The following MOB4 variants were observed in gnomAD, a reference collection of about 807,000 sequenced individuals.
MOB4 encodes MOB-like protein phocein.
A neutral mutation model predicts 32.2 loss-of-function variants in MOB4; 4 were observed. That is an observed-to-expected ratio of 0.12 (90% CI 0.06 to 0.28). MOB4 has a LOEUF of 0.28. Ranked by LOEUF, MOB4 falls within the 10% of genes least tolerant of loss-of-function variation. The probability of loss-of-function intolerance (pLI) is 1.00; values close to 1 mark genes in which losing one functional copy is unlikely to be tolerated. For missense variants in MOB4, 158 were observed against 271.2 expected, an observed-to-expected ratio of 0.58 and a Z score of 2.93; for synonymous variants, 88 against 88.1, an observed-to-expected ratio of 1.00 and a Z score of 0.01.
chr2:197,535,116 A>C (rs993819812), intron 2 of MOB4, among the ~76,000 whole-genome samples: 3 of 151,864 alleles, frequency 2.0e-5, no homozygotes, highest in African/African-American at 7.2e-5. Flanking sequence ...CCAGCTCCTC[A>C]GGAGGCTGAG....
At chr2:197,536,482 A>G (rs1335426339) in intron 3 of MOB4, among the ~76,000 whole-genome samples, 1 of 151,370 alleles carries the variant, frequency 6.6e-6, no homozygotes, top group Admixed American at 6.6e-5. Flanking sequence ...TGGGATTACC[A>G]CCATGCCAGC....
At chr2:197,521,474 A>G (rs1574624866) in intron 1 of MOB4, among the ~76,000 whole-genome samples, 1 of 152,220 alleles carries the variant, frequency 6.6e-6, no homozygotes, top group African/African-American at 2.4e-5. Flanking sequence ...CATTGATAAC[A>G]TCTTATCAGG....
intron 3 of MOB4, among the ~76,000 whole-genome samples, chr2:197,535,899 C>A (rs199734673): frequency 7.7e-6 from 1 of 129,274 alleles, no homozygotes; most frequent in Middle Eastern, 4.1e-3. Context: ...CTTTTCTTTT[C>A]TTTTTTTTTT....
At position 197,550,133 on chromosome 2, in the gene MOB4, C is replaced by A. The variant is rs186746128; in HGVS notation, c.435-142C>A. On this transcript the variant is annotated intron_variant, in intron 6 of 7. Transcript: ENST00000323303. ...AGAACTGAGGAGCAGGGGCTCCAGG[C>A]ATTTACTCGCAGTGTGACCTTGGAG... The A allele has an allele frequency of 6.4e-5, 40 of 626,416 alleles. 1 individual carries two copies. Among genetic ancestry groups the A allele is most frequent in the African/African-American group, 6.3e-4 (34 of 54,114 alleles). The allele number at this position is 626,416 out of a possible 1,614,324, so 38.8% of individuals were successfully genotyped here. A position where few individuals can be genotyped will look rare whatever the true frequency, so the allele number is the denominator to read the frequency against.
intron 1 of MOB4, among the ~76,000 whole-genome samples, chr2:197,522,392 G>A (rs993250148): frequency 5.8e-5 from 8 of 138,462 alleles, no homozygotes; most frequent in East Asian, 2.2e-4. Context: ...GTGCAGTGGC[G>A]TGATCTTGAG....
chr2:197,521,266 C>T (rs2086513047), intron 1 of MOB4, among the ~76,000 whole-genome samples: 1 of 152,060 alleles, frequency 6.6e-6, no homozygotes, highest in Non-Finnish European at 1.5e-5. Context: ...CGTGATGCCC[C>T]ACAAGCTGCA....
intron 2 of MOB4, among the ~76,000 whole-genome samples, chr2:197,532,276 TAAA>T (rs2086719092): frequency 6.6e-6 from 1 of 152,198 alleles, no homozygotes; most frequent in Admixed American, 6.6e-5. Flanking sequence ...TTGGTATCAA[TAAA>T]AGGATTCTAG....
At position 197,550,596 on chromosome 2, in the gene MOB4, A is replaced by G; in HGVS notation, c.628A>G (p.Ile210Val). Residue 210 changes from isoleucine to valine, a missense_variant, in exon 8 of 8, where the codon ATT becomes GTT. By Grantham distance (29) the Ile-to-Val change is conservative (BLOSUM62 3). This residue lies in a region of MOB4 where 45 missense variants were observed against 65.6 expected (regional missense o/e 0.69). Transcript: ENST00000323303. ...LMSKDNLIVPILEEEVQNSVS... is the reference protein window; with the variant it reads ...LMSKDNLIVPVLEEEVQNSVS... ...GTCCAAGGATAACCTGATTGTACCA[A>G]TTTTAGAAGAGGAAGTACAGAATTC... The G allele has an allele frequency of 6.2e-7, 1 of 1,607,326 alleles. No individual in the cohort carries two copies. Among genetic ancestry groups the G allele is most frequent in the Non-Finnish European group, 8.5e-7 (1 of 1,178,386 alleles).
chr2:197,537,859 A>G (rs1462294120), intron 3 of MOB4, among the ~76,000 whole-genome samples: 1 of 150,302 alleles, frequency 6.7e-6, no homozygotes, highest in Admixed American at 6.6e-5. Flanking sequence ...GGCTCATTGC[A>G]ACCTCCGCCA....
At chr2:197,549,546 T>C (rs942981306) in intron 6 of MOB4, among the ~76,000 whole-genome samples, 4 of 152,034 alleles carry the variant, frequency 2.6e-5, no homozygotes, top group African/African-American at 7.2e-5. Flanking sequence ...ACAATTTTAA[T>C]TTCTCTCTCT....
chr2:197,538,218 A>G (rs1486374823), intron 3 of MOB4, among the ~76,000 whole-genome samples: 2 of 151,938 alleles, frequency 1.3e-5, no homozygotes, highest in African/African-American at 2.4e-5. Context: ...ACATTACATA[A>G]AACTTTACAT....
intron 2 of MOB4, chr2:197,533,819 C>A: frequency 1.7e-6 from 1 of 585,876 alleles, no homozygotes. Context: ...TCCCACAAGA[C>A]TTTAAGACTT....
At position 197,550,778 on chromosome 2, in the gene MOB4, C is replaced by G; in HGVS notation, c.*132C>G. ...TATAGGTTTTTGTATGCTGGGTTTG[C>G]CTTTTAAAATGGGAAATACTTTTTA... On this transcript the variant is annotated 3_prime_UTR_variant, in exon 8 of 8. Transcript: ENST00000323303. The G allele has an allele frequency of 8.5e-7, 1 of 1,179,436 alleles. No individual in the cohort carries two copies. The highest frequency in any genetic ancestry group is 1.1e-6 in the Non-Finnish European group (1 of 903,054). The allele number at this position is 1,179,436 out of a possible 1,614,324, so 73.1% of individuals were successfully genotyped here. A position where few individuals can be genotyped will look rare whatever the true frequency, so the allele number is the denominator to read the frequency against.
At chr2:197,535,463 A>G (rs1456060176) in intron 2 of MOB4, 67 bp from the exon 3 acceptor site, 3 of 1,432,112 alleles carry the variant, frequency 2.1e-6, no homozygotes, top group Non-Finnish European at 2.8e-6. Flanking sequence ...AACAAATTAT[A>G]TGTACTTAAC....
chr2:197,553,432 A>C lies in MOB4; in HGVS notation c.*2786A>C, dbSNP rs560364094. On this transcript the variant is annotated 3_prime_UTR_variant, in exon 8 of 8. Coordinates refer to ENST00000323303, the MANE Select transcript of MOB4 (RefSeq NM_015387.5). ...CGTCTCAAAAACTCCGTCTCAAAAA[A>C]AAAAAATCCTTGATTACATTGTTAG... is the stretch of plus-strand genomic sequence containing the variant. 40 of 152,280 alleles carry C rather than the reference A, an allele frequency of 2.6e-4. No homozygotes were observed. The highest frequency in any genetic ancestry group is 9.1e-4 in the African/African-American group (38 of 41,566). 9.4% of individuals were successfully genotyped at this position (152,280 alleles called of 1,614,324 possible). A position where few individuals can be genotyped will look rare whatever the true frequency, so the allele number is the denominator to read the frequency against.
At chr2:197,523,509 T>C (rs1053327807) in intron 1 of MOB4, 115 bp from the exon 2 acceptor site, 2 of 995,504 alleles carry the variant, frequency 2.0e-6, no homozygotes, top group Non-Finnish European at 2.9e-6. Context: ...CACTGATAAT[T>C]ACATTGCAAA....
At chr2:197,535,018 A>T (rs984956086) in intron 2 of MOB4, among the ~76,000 whole-genome samples, 29 of 152,264 alleles carry the variant, frequency 1.9e-4, no homozygotes, top group African/African-American at 6.7e-4. Flanking sequence ...AATATGTACC[A>T]TAGTTATATT....
At chr2:197,538,570 T>C (rs934535153) in intron 3 of MOB4, among the ~76,000 whole-genome samples, 1 of 152,206 alleles carries the variant, frequency 6.6e-6, no homozygotes, top group Non-Finnish European at 1.5e-5. Flanking sequence ...TATGTCCGGA[T>C]ACATGCGTGG....
chr2:197,544,732 A>G (rs1056768175), intron 5 of MOB4, among the ~76,000 whole-genome samples: 3 of 151,912 alleles, frequency 2.0e-5, no homozygotes, highest in African/African-American at 7.3e-5. Context: ...CAGCCTGGGC[A>G]ACAGAGTGAG....
Sources: allele counts gnomAD v4.1 joint callset (sites outside exome capture counted in the v4.1 genomes callset), GRCh38; gene constraint gnomAD v4.1.1; regional missense constraint gnomAD v4.1.1; transcripts MANE v1.5; gene names NCBI Gene and HGNC (gene_info 2026-07-23, HGNC 2026-07-21).